The following ANO4 variants were observed in gnomAD, a reference collection of about 807,000 sequenced individuals.
The protein encoded by ANO4 is anoctamin 4.
A neutral mutation model predicts 141.9 loss-of-function variants in ANO4; 69 were observed. That is an observed-to-expected ratio of 0.49 (90% CI 0.40 to 0.59). ANO4 has a LOEUF of 0.59. Among genes scored for constraint, ANO4 ranks in the 20% least tolerant of loss-of-function variants. The pLI is 0.00. For missense variants in ANO4, 894 were observed against 1,162.2 expected (o/e 0.77, Z 3.36); for synonymous variants, 350 against 394.3 (o/e 0.89, Z 1.33).
intron 5 of ANO4, among the ~76,000 whole-genome samples, chr12:100,942,812 G>A (rs1207300578): frequency 6.6e-5 from 10 of 152,024 alleles, no homozygotes; most frequent in Admixed American, 5.2e-4. Context: ...AACTTCCTAC[G>A]TCTGCCATTT....
intron 1 of ANO4, among the ~76,000 whole-genome samples, chr12:100,864,871 T>A (rs749668027): frequency 6.6e-6 from 1 of 152,158 alleles, no homozygotes; most frequent in Non-Finnish European, 1.5e-5. Context: ...CAGTGTGTGA[T>A]GTTCCCCTCC....
intron 3 of ANO4, among the ~76,000 whole-genome samples, chr12:100,777,677 C>G (rs2033570775): frequency 6.6e-6 from 1 of 152,042 alleles, no homozygotes; most frequent in Admixed American, 6.5e-5. Flanking sequence ...AATATTATTG[C>G]TTGGAATTCA....
intron 9 of ANO4, among the ~76,000 whole-genome samples, chr12:101,030,557 C>T (rs2046933426): frequency 6.6e-6 from 1 of 152,006 alleles, no homozygotes; most frequent in Admixed American, 6.6e-5. Context: ...ACTAACATCA[C>T]AATTAAAAGA....
chr12:101,114,247 T>C (rs2050768120), intron 24 of ANO4, among the ~76,000 whole-genome samples: 1 of 152,234 alleles, frequency 6.6e-6, no homozygotes, highest in Non-Finnish European at 1.5e-5. Flanking sequence ...CTCACTTGCC[T>C]GAATTGATGA....
At chr12:101,031,386 C>A (rs552522246) in intron 9 of ANO4, among the ~76,000 whole-genome samples, 2 of 152,244 alleles carry the variant, frequency 1.3e-5, no homozygotes, top group African/African-American at 4.8e-5. Flanking sequence ...AATTCAACAG[C>A]CCTTCATGCT....
At chr12:101,005,077 C>T (rs768118073) in intron 8 of ANO4, among the ~76,000 whole-genome samples, 3 of 152,150 alleles carry the variant, frequency 2.0e-5, no homozygotes, top group Non-Finnish European at 4.4e-5. Flanking sequence ...AAAAATGAGA[C>T]CCATGACTAA....
chr12:100,900,352 G>A (rs1316525183), intron 1 of ANO4, among the ~76,000 whole-genome samples: 5 of 151,274 alleles, frequency 3.3e-5, no homozygotes, highest in Admixed American at 1.3e-4. Flanking sequence ...TGTGCACAAC[G>A]TGCAGGTTTG....
intron 14 of ANO4, chr12:101,068,666 T>G: frequency 7.7e-7 from 1 of 1,302,356 alleles, no homozygotes; most frequent in African/African-American, 1.4e-5. Flanking sequence ...AATGACTTCC[T>G]TATTAACTAT....
chr12:100,974,636 T>A, intron 6 of ANO4: 1 of 608,250 alleles, frequency 1.6e-6, no homozygotes, highest in Non-Finnish European at 3.0e-6. Context: ...GGAAGAAATA[T>A]CAATGGAAAC....
chr12:101,041,974 C>G (rs139749219), intron 11 of ANO4, among the ~76,000 whole-genome samples: 1 of 152,112 alleles, frequency 6.6e-6, no homozygotes, highest in Non-Finnish European at 1.5e-5. Context: ...TCTCTCGAAT[C>G]GGGCCCCACC....
At chr12:100,771,030 C>T (rs761681107) in intron 3 of ANO4, among the ~76,000 whole-genome samples, 16 of 151,898 alleles carry the variant, frequency 1.1e-4, no homozygotes, top group Non-Finnish European at 2.1e-4. Context: ...TTGAATATGC[C>T]GATCTTTAAA....
At chr12:100,867,261 G>A (rs1748947388) in intron 1 of ANO4, among the ~76,000 whole-genome samples, 1 of 152,118 alleles carries the variant, frequency 6.6e-6, no homozygotes, top group African/African-American at 2.4e-5. Flanking sequence ...ATCAGTCAAG[G>A]TTCTCCAGAG....
intron 5 of ANO4, among the ~76,000 whole-genome samples, chr12:100,944,543 C>T (rs73375007): frequency 0.017 from 2,530 of 151,914 alleles, 83 homozygotes; most frequent in African/African-American, 0.058. Context: ...TTCCATATTT[C>T]TCCTTTCCTC....
chr12:100,894,523 A>G (rs1428327850), intron 1 of ANO4, among the ~76,000 whole-genome samples: 2 of 152,094 alleles, frequency 1.3e-5, no homozygotes, highest in African/African-American at 2.4e-5. Context: ...CTTAACTAAG[A>G]TAGCACAAAT....
intron 1 of ANO4, among the ~76,000 whole-genome samples, chr12:100,874,909 A>G (rs2039220112): frequency 6.6e-6 from 1 of 152,012 alleles, no homozygotes. Context: ...GATTGGGTGT[A>G]TTTCCCCAAT....
chr12:101,025,592 A>G (rs1233656602), intron 9 of ANO4, among the ~76,000 whole-genome samples: 2 of 152,202 alleles, frequency 1.3e-5, no homozygotes, highest in Non-Finnish European at 2.9e-5. Context: ...GAACCATCCA[A>G]AAGAATTTCC....
intron 3 of ANO4, among the ~76,000 whole-genome samples, chr12:100,744,907 T>G (rs1356016466): frequency 6.6e-6 from 1 of 151,894 alleles, no homozygotes; most frequent in Non-Finnish European, 1.5e-5. Context: ...CTCTCCCTCC[T>G]TTCCCTCACT....
chr12:100,852,307 A>G (rs1330098878), intron 1 of ANO4: 1 of 152,200 alleles, frequency 6.6e-6, no homozygotes, highest in Non-Finnish European at 1.5e-5. Context: ...GTTCAGATGT[A>G]TGTAACAAAC....
intron 23 of ANO4, 111 bp downstream of exon 23, chr12:101,110,667 C>T: frequency 1.0e-6 from 1 of 995,360 alleles, no homozygotes; most frequent in Non-Finnish European, 1.3e-6. Flanking sequence ...TAATATAATT[C>T]ACCTAATTTT....
Sources: allele counts gnomAD v4.1 joint callset (sites outside exome capture counted in the v4.1 genomes callset), GRCh38; gene constraint gnomAD v4.1.1; transcripts MANE v1.5; gene names NCBI Gene and HGNC (gene_info 2026-07-23, HGNC 2026-07-21).